Variants in PAN3 observed in about 807,000 individuals in gnomAD.
The protein encoded by PAN3 is poly(A) specific ribonuclease subunit PAN3.
A neutral mutation model predicts 96.2 loss-of-function variants in PAN3; 19 were observed. The observed-to-expected ratio is 0.20, with a 90% CI of 0.14 to 0.29. PAN3 has a LOEUF of 0.29. Ranked by LOEUF, PAN3 falls within the 10% of genes least tolerant of loss-of-function variation. The probability of loss-of-function intolerance (pLI) is 1.00; values close to 1 mark genes in which losing one functional copy is unlikely to be tolerated. For missense variants in PAN3, 882 were observed against 1,108.1 expected, an observed-to-expected ratio of 0.80 and a Z score of 2.90; for synonymous variants, 433 against 406.6, an observed-to-expected ratio of 1.06 and a Z score of -0.78.
At chr13:28,288,858 T>TCTCA (rs1555295707) in intron 18 of PAN3, among the ~76,000 whole-genome samples, 99,195 of 137,990 alleles carry the variant, frequency 0.72, 36,640 homozygotes, top group South Asian at 0.83. Flanking sequence ...TGAGACGGAG[T>TCTCA]CTCTGTCACC....
chr13:28,207,165 A>C (rs867456762), intron 5 of PAN3, among the ~76,000 whole-genome samples: 1 of 152,164 alleles, frequency 6.6e-6, no homozygotes, highest in Non-Finnish European at 1.5e-5. Context: ...ATTCACAACT[A>C]TATGCCACCA....
At chr13:28,245,338 T>G (rs1047614711) in intron 6 of PAN3, among the ~76,000 whole-genome samples, 5 of 152,266 alleles carry the variant, frequency 3.3e-5, no homozygotes, top group African/African-American at 1.2e-4. Flanking sequence ...TCTAGTTGTT[T>G]ATATCTACAG....
intron 17 of PAN3, among the ~76,000 whole-genome samples, chr13:28,285,272 T>C (rs1008271014): frequency 6.6e-6 from 1 of 152,224 alleles, no homozygotes; most frequent in East Asian, 1.9e-4. Context: ...CCAGTTTCTA[T>C]ACTTTTAATT....
intron 6 of PAN3, among the ~76,000 whole-genome samples, chr13:28,231,060 G>GT (rs1882507088): frequency 6.6e-6 from 1 of 152,136 alleles, no homozygotes; most frequent in African/African-American, 2.4e-5. Flanking sequence ...GTAGGTTACT[G>GT]TTTTGTTTCT....
chr13:28,201,540 C>T (rs1025319341), intron 5 of PAN3, among the ~76,000 whole-genome samples: 1 of 151,702 alleles, frequency 6.6e-6, no homozygotes, highest in African/African-American at 2.4e-5. Context: ...AGCAAGACTC[C>T]ATCTCAAAAT....
intron 1 of PAN3, among the ~76,000 whole-genome samples, chr13:28,168,995 G>A (rs1481571501): frequency 3.3e-5 from 5 of 149,816 alleles, no homozygotes; most frequent in Non-Finnish European, 4.4e-5. Flanking sequence ...CAGCCTGGGC[G>A]ACAGAGCGAG....
Position 28,164,673 on chromosome 13 carries a change from G to T in PAN3, c.431-9599G>T, listed in dbSNP as rs569354769. On this transcript the variant is annotated intron_variant, in intron 1 of 18. Coordinates refer to ENST00000380958, the MANE Select transcript of PAN3 (RefSeq NM_175854.8). ...CTGGGAAGTTGTACAGTAAAGAAAT[G>T]GGTTTACTTGTTTTTACTCATTTTC... is the stretch of plus-strand genomic sequence containing the variant. Among the ~76,000 whole-genome samples the T allele has an allele frequency of 2.6e-5, 4 of 152,252 alleles. No individual in the cohort carries two copies. In the East Asian group the frequency reaches 7.7e-4, roughly 29 times the overall value.
intron 4 of PAN3, among the ~76,000 whole-genome samples, chr13:28,182,805 C>T (rs1009972113): frequency 1.3e-5 from 2 of 152,146 alleles, no homozygotes; most frequent in African/African-American, 4.8e-5. Flanking sequence ...GCTTGGGTCT[C>T]CCTTTTGCAC....
intron 4 of PAN3, among the ~76,000 whole-genome samples, chr13:28,186,344 C>G (rs942994790): frequency 2.0e-5 from 3 of 152,218 alleles, no homozygotes; most frequent in East Asian, 3.9e-4. Flanking sequence ...GAACCTGACC[C>G]TATGTTAATT....
At chr13:28,158,411 C>T (rs1284253030) in intron 1 of PAN3, among the ~76,000 whole-genome samples, 1 of 152,130 alleles carries the variant, frequency 6.6e-6, no homozygotes, top group African/African-American at 2.4e-5. Context: ...AGACAACCCA[C>T]AGAGTAGGAC....
rs146607667 is a variant in PAN3 at position 28,235,315 on chromosome 13, A to C, written c.1000+14937A>C. Among the ~76,000 whole-genome samples, 238 of 152,346 alleles carry C rather than the reference A, an allele frequency of 1.6e-3. 1 individual carries two copies. Among genetic ancestry groups the C allele is most frequent in the African/African-American group, 5.1e-3 (214 of 41,578 alleles). On this transcript the variant is annotated intron_variant, in intron 6 of 18. Transcript: ENST00000380958. ...TCCTCTTCCCCTGTTTACTTCCTTTAAATAATTGAAGGTTCTATTAAAATA... is the reference window on the plus strand; with the variant it reads ...TCCTCTTCCCCTGTTTACTTCCTTTCAATAATTGAAGGTTCTATTAAAATA...
chr13:28,221,010 C>T (rs1230263051), intron 6 of PAN3, among the ~76,000 whole-genome samples: 1 of 152,112 alleles, frequency 6.6e-6, no homozygotes, highest in Non-Finnish European at 1.5e-5. Context: ...TGTGCTTGTA[C>T]TCCAGGAGTC....
intron 1 of PAN3, among the ~76,000 whole-genome samples, chr13:28,166,937 C>G (rs1873623661): frequency 6.6e-6 from 1 of 152,098 alleles, no homozygotes; most frequent in Admixed American, 6.6e-5. Context: ...CAAGGCTCTG[C>G]CATTGTGGGC....
chr13:28,285,429 T>C (rs187017150), intron 17 of PAN3, among the ~76,000 whole-genome samples: 1 of 152,266 alleles, frequency 6.6e-6, no homozygotes, highest in African/African-American at 2.4e-5. Flanking sequence ...CTCCAAGCTT[T>C]TGGGTTTTGT....
intron 17 of PAN3, among the ~76,000 whole-genome samples, chr13:28,286,713 T>A (rs1869015307): frequency 6.6e-6 from 1 of 152,214 alleles, no homozygotes; most frequent in Non-Finnish European, 1.5e-5. Context: ...GTTTATACCC[T>A]TTTTTAGGTA....
chr13:28,211,106 G>T (rs1879977035), intron 5 of PAN3, among the ~76,000 whole-genome samples: 1 of 150,142 alleles, frequency 6.7e-6, no homozygotes. Flanking sequence ...TCTTCTTGTT[G>T]CCCAGGCTGA....
chr13:28,178,413 T>G (rs1369237946), intron 4 of PAN3, among the ~76,000 whole-genome samples: 2 of 152,156 alleles, frequency 1.3e-5, no homozygotes, highest in Non-Finnish European at 2.9e-5. Flanking sequence ...CATTAGAAAT[T>G]TAATTTTATT....
At chr13:28,162,619 C>T (rs1190403997) in intron 1 of PAN3, among the ~76,000 whole-genome samples, 1 of 151,412 alleles carries the variant, frequency 6.6e-6, no homozygotes, top group East Asian at 1.9e-4. Context: ...TGCACTCCAA[C>T]CTGGGCAACA....
chr13:28,275,782 C>G (rs895888814), intron 14 of PAN3, among the ~76,000 whole-genome samples: 4 of 152,164 alleles, frequency 2.6e-5, no homozygotes, highest in African/African-American at 4.8e-5. Context: ...GCTCCTGACT[C>G]TATCACCAGT....
Sources: allele counts gnomAD v4.1 joint callset (sites outside exome capture counted in the v4.1 genomes callset), GRCh38; gene constraint gnomAD v4.1.1; transcripts MANE v1.5; gene names NCBI Gene and HGNC (gene_info 2026-07-23, HGNC 2026-07-21).